The following TMEM8B variants were observed in gnomAD, a reference collection of about 807,000 sequenced individuals.
The protein encoded by TMEM8B is transmembrane protein 8B.
Under a neutral mutation model 49.3 loss-of-function variants are expected in TMEM8B, and 29 were observed. The observed-to-expected ratio is 0.59, with a 90% CI of 0.44 to 0.80. The LOEUF (loss-of-function observed/expected upper bound fraction) is 0.80. Among genes scored for constraint, TMEM8B ranks in the 30% least tolerant of loss-of-function variants. The probability of loss-of-function intolerance (pLI) is 0.00; values close to 1 mark genes in which losing one functional copy is unlikely to be tolerated. For missense variants in TMEM8B, 575 were observed against 658.5 expected (o/e 0.87, Z 1.39); for synonymous variants, 264 against 272.8 (o/e 0.97, Z 0.32).
Position 35,856,830 on chromosome 9 carries a change from G to C in TMEM8B, c.*2990G>C, listed in dbSNP as rs73444870. 1,293 of 152,378 alleles carry C rather than the reference G, an allele frequency of 8.5e-3. 18 individuals are homozygous for C. Among genetic ancestry groups the C allele is most frequent in the African/African-American group, 0.029 (1,223 of 41,564 alleles). 9.4% of individuals were successfully genotyped at this position (152,378 alleles called of 1,614,324 possible). A position where few individuals can be genotyped will look rare whatever the true frequency, so the allele number is the denominator to read the frequency against. ...CTGAGATGGTGACACCACTTTGGGT[G>C]GGGGGAAGATGAGCTCCACTTTGGA... is the stretch of plus-strand genomic sequence containing the variant. On this transcript the variant is annotated 3_prime_UTR_variant, in exon 13 of 13. Coordinates refer to ENST00000643932, the MANE Select transcript of TMEM8B (RefSeq NM_001042590.4).
Position 35,834,070 on chromosome 9 carries a change from A to ACACACC in TMEM8B, c.509-390_509-389insACACCC, listed in dbSNP as rs994665464. On this transcript the variant is annotated intron_variant, in intron 1 of 12. Coordinates refer to ENST00000643932, the MANE Select transcript of TMEM8B (RefSeq NM_001042590.4). ...CACACACACACACACACACACACAC[A>ACACACC]CCTTCCACACATCTGTTTTTTTTAG... Among the ~76,000 whole-genome samples, 122 of 147,300 alleles carry ACACACC rather than the reference A, an allele frequency of 8.3e-4. 1 individual carries two copies. The highest frequency in any genetic ancestry group is 3.0e-3 in the African/African-American group (115 of 38,846).
At position 35,842,222 on chromosome 9, in the gene TMEM8B, A is replaced by C. The variant is rs1831079625; in HGVS notation, c.1310-170A>C. Among the ~76,000 whole-genome samples the C allele has an allele frequency of 6.6e-6, 1 of 152,184 alleles. No homozygotes were observed. On this transcript the variant is annotated intron_variant, in intron 5 of 12. Transcript: ENST00000643932. This position sits in a 1 kb window ranked among gnomAD's most constrained non-coding sequence, Gnocchi z 5.6. Reference sequence around the variant, plus strand: ...GTGTGGTATTGCATTAGCTGTCACCATTAGGAAACCCCTATAAACCTGGAT... The same window carrying C: ...GTGTGGTATTGCATTAGCTGTCACCCTTAGGAAACCCCTATAAACCTGGAT...
chr9:35,839,220 C>G (rs1033341121), intron 3 of TMEM8B, among the ~76,000 whole-genome samples: 1 of 152,274 alleles, frequency 6.6e-6, no homozygotes, highest in Non-Finnish European at 1.5e-5. Context: ...AGGAATCTAT[C>G]TACCATGCCT....
rs747291210 is a variant in TMEM8B, at chr9:35,846,386, G to C, written c.1853+5G>C. 1 of 1,609,672 alleles carries C rather than the reference G, an allele frequency of 6.2e-7. No individual in the cohort carries two copies. Among genetic ancestry groups the C allele is most frequent in the East Asian group, 2.2e-5 (1 of 44,792 alleles). Reference sequence around the variant, plus strand: ...CCTGTGCGGGGTGGGGCCTCGGTGAGCGGTGCGGGGCGGGGCCAGGGCTGG... The same window carrying C: ...CCTGTGCGGGGTGGGGCCTCGGTGACCGGTGCGGGGCGGGGCCAGGGCTGG... On this transcript the variant is annotated splice_donor_5th_base_variant and intron_variant, in intron 8 of 12. Transcript: ENST00000643932.
chr9:35,860,583 G>A lies in TMEM8B; in HGVS notation c.*6743G>A, dbSNP rs1832632677. 6.6e-6 allele frequency: 1 copy of A among 152,134 alleles called. No homozygotes were observed. The highest frequency in any genetic ancestry group is 2.4e-5 in the African/African-American group (1 of 41,438). The allele number at this position is 152,134 out of a possible 1,614,324, so 9.4% of individuals were successfully genotyped here. On this transcript the variant is annotated 3_prime_UTR_variant, in exon 13 of 13. Transcript: ENST00000643932. ...CACCTAGTGTTCCTTGGGCCATGAAGATCAAATATTTCAGCCCCATAGGAT... is the reference window on the plus strand; with the variant it reads ...CACCTAGTGTTCCTTGGGCCATGAAAATCAAATATTTCAGCCCCATAGGAT...
At chr9:35,852,259 A>C (rs1049568882) in intron 10 of TMEM8B, among the ~76,000 whole-genome samples, 1 of 152,142 alleles carries the variant, frequency 6.6e-6, no homozygotes, top group Non-Finnish European at 1.5e-5. Flanking sequence ...CATGGTGTGA[A>C]GTGCCATGCC....
At chr9:35,847,606 A>G (rs1021951148) in intron 10 of TMEM8B, among the ~76,000 whole-genome samples, 1 of 152,202 alleles carries the variant, frequency 6.6e-6, no homozygotes, top group East Asian at 1.9e-4. Context: ...TTATAGGACA[A>G]TCTGACTCTC....
Position 35,842,484 on chromosome 9 carries a change from C to T in TMEM8B, c.1402C>T (p.Pro468Ser), listed in dbSNP as rs145090431. The T allele has an allele frequency of 4.4e-6, 7 of 1,601,568 alleles. No homozygotes were observed. The African/African-American group carries it at 6.7e-5, about 15-fold the overall frequency. Residue 468 changes from proline to serine, a missense_variant, in exon 6 of 13, where the codon CCG (proline) becomes TCG (serine). Physicochemically the swap from Pro to Ser is moderately conservative, Grantham distance 74. Coordinates refer to ENST00000643932, the MANE Select transcript of TMEM8B (RefSeq NM_001042590.4). This position sits in a 1 kb window ranked among gnomAD's most constrained non-coding sequence, Gnocchi z 5.6. ...SLGNQPLPPE[P>S]PSLGTPAEGP... ...GGGCAACCAGCCACTGCCCCCAGAA[C>T]CGCCATCCCTTGGAACCCCTGCGGA...
At chr9:35,830,184 T>TC (rs1306362705) in intron 1 of TMEM8B, among the ~76,000 whole-genome samples, 4 of 152,146 alleles carry the variant, frequency 2.6e-5, no homozygotes, top group African/African-American at 9.7e-5. Context: ...GCACAGAGAC[T>TC]CCAAGATTTT....
At chr9:35,845,306 T>A (rs1248547034) in intron 6 of TMEM8B, 1 of 782,798 alleles carries the variant, frequency 1.3e-6, no homozygotes, top group Non-Finnish European at 1.5e-6. Flanking sequence ...TTTCCTGTCC[T>A]GATTTTTAAG....
chr9:35,832,148 C>T (rs1404506187), intron 1 of TMEM8B, among the ~76,000 whole-genome samples: 1 of 148,824 alleles, frequency 6.7e-6, no homozygotes, highest in African/African-American at 2.5e-5. Context: ...CCAGCCTCAG[C>T]CTATGTGTGT....
chr9:35,842,460 GGCAACCAGCCACT>G lies in TMEM8B; in HGVS notation c.1381_1393del (p.Asn461ProfsTer61), dbSNP rs773385353. Reference sequence around the variant, plus strand: ...TGCCATGAACATGCCCCAGTCCCTGGGCAACCAGCCACTGCCCCCAGAACCGCCATCCCTTGGA... The same window carrying G: ...TGCCATGAACATGCCCCAGTCCCTGGGCCCCCAGAACCGCCATCCCTTGGA... On this transcript the variant is annotated frameshift_variant, in exon 6 of 13. Coordinates refer to ENST00000643932, the MANE Select transcript of TMEM8B (RefSeq NM_001042590.4). LOFTEE classifies it high-confidence loss of function. The surrounding 1 kb of genome is among the most constrained non-coding windows in gnomAD (Gnocchi z 5.6). The G allele has an allele frequency of 1.9e-6, 3 of 1,585,050 alleles. No homozygotes were observed. Among genetic ancestry groups the G allele is most frequent in the Non-Finnish European group, 2.6e-6 (3 of 1,162,622 alleles).
rs762693337 is a variant in TMEM8B, at chr9:35,853,721, G to A, written c.2656G>A (p.Gly886Arg). 8 of 1,614,038 alleles carry A rather than the reference G, an allele frequency of 5.0e-6. No homozygotes were observed. Among genetic ancestry groups the A allele is most frequent in the African/African-American group, 1.3e-5 (1 of 75,044 alleles). The change falls in exon 13 of 13, where the codon GGG becomes AGG. Residue 886 changes from glycine (G) to arginine (R), a missense_variant. Gly to Arg is a moderately radical substitution (Grantham distance 125). Coordinates refer to ENST00000643932, the MANE Select transcript of TMEM8B (RefSeq NM_001042590.4). This position sits in a 1 kb window ranked among gnomAD's most constrained non-coding sequence, Gnocchi z 4.2. ...LLPPRAKTDH[G>R]VPSGARARGC... Reference sequence around the variant, plus strand: ...GCCCCCTCGTGCCAAGACTGACCACGGGGTCCCATCTGGAGCCCGGGCCCG... The same window carrying A: ...GCCCCCTCGTGCCAAGACTGACCACAGGGTCCCATCTGGAGCCCGGGCCCG...
rs771439865 is a variant in TMEM8B at position 35,846,481 on chromosome 9, C to T, written c.1866C>T (p.Cys622=). The part of the protein sequence containing the change: ...LCGVGPRFVR[C]RNATAEVRMR... Reference sequence around the variant, plus strand: ...AGTTTGTGCGCAGGTTCGTGCGGTGCCGCAACGCGACGGCCGAGGTGCGGA... The same window carrying T: ...AGTTTGTGCGCAGGTTCGTGCGGTGTCGCAACGCGACGGCCGAGGTGCGGA... Residue 622 remains cysteine (C), a synonymous_variant, in exon 9 of 13, where the codon TGC becomes TGT. Coordinates refer to ENST00000643932, the MANE Select transcript of TMEM8B (RefSeq NM_001042590.4). 1 of 1,599,334 alleles carries T rather than the reference C, an allele frequency of 6.3e-7. No homozygotes were observed. The highest frequency in any genetic ancestry group is 8.5e-7 in the Non-Finnish European group (1 of 1,172,970).
intron 1 of TMEM8B, chr9:35,833,407 C>T (rs1452919451): frequency 1.0e-5 from 10 of 980,254 alleles, no homozygotes; most frequent in Non-Finnish European, 1.2e-5. Flanking sequence ...TAGAGGTTTA[C>T]TTTGAGAGAC....
chr9:35,865,122 GGA>G lies in TMEM8B; in HGVS notation c.*11290_*11291del. ...GCCCTGCTGAGGTGAAGTGGGCATA[GGA>G]GAGAGAGTGGACAGAGAATCTGAAT... On this transcript the variant is annotated 3_prime_UTR_variant, in exon 13 of 13. Transcript: ENST00000643932. 1 of 152,386 alleles carries G rather than the reference GGA, an allele frequency of 6.6e-6. No individual in the cohort carries two copies. Among genetic ancestry groups the G allele is most frequent in the Non-Finnish European group, 1.5e-5 (1 of 68,074 alleles). The allele number at this position is 152,386 out of a possible 1,614,324, so 9.4% of individuals were successfully genotyped here. A position where few individuals can be genotyped will look rare whatever the true frequency, so the allele number is the denominator to read the frequency against.
Position 35,860,013 on chromosome 9 carries a change from C to T in TMEM8B, c.*6173C>T, listed in dbSNP as rs1245806409. 1 of 152,314 alleles carries T rather than the reference C, an allele frequency of 6.6e-6. No individual in the cohort carries two copies. Among genetic ancestry groups the T allele is most frequent in the East Asian group, 1.9e-4 (1 of 5,198 alleles). The allele number at this position is 152,314 out of a possible 1,614,324, so 9.4% of individuals were successfully genotyped here. A position where few individuals can be genotyped will look rare whatever the true frequency, so the allele number is the denominator to read the frequency against. ...TCTCTCCTTTTCCATCTGGACCACC[C>T]AGCTTTTTGGAAAAAGCTCCAACTG... is the stretch of plus-strand genomic sequence containing the variant. On this transcript the variant is annotated 3_prime_UTR_variant, in exon 13 of 13. Coordinates refer to ENST00000643932, the MANE Select transcript of TMEM8B (RefSeq NM_001042590.4).
chr9:35,860,602 A>T lies in TMEM8B; in HGVS notation c.*6762A>T, dbSNP rs905291546. ...CATGAAGATCAAATATTTCAGCCCC[A>T]TAGGATGTGTAAGCTTGATTTCTGG... On this transcript the variant is annotated 3_prime_UTR_variant, in exon 13 of 13. Coordinates refer to ENST00000643932, the MANE Select transcript of TMEM8B (RefSeq NM_001042590.4). 1 of 152,158 alleles carries T rather than the reference A, an allele frequency of 6.6e-6. No homozygotes were observed. The highest frequency in any genetic ancestry group is 1.5e-5 in the Non-Finnish European group (1 of 68,034). 9.4% of individuals were successfully genotyped at this position (152,158 alleles called of 1,614,324 possible).
Position 35,853,283 on chromosome 9 carries a change from G to T in TMEM8B, c.2439+26G>T, listed in dbSNP as rs747295027. On this transcript the variant is annotated intron_variant, in intron 12 of 12. Coordinates refer to ENST00000643932, the MANE Select transcript of TMEM8B (RefSeq NM_001042590.4). This position sits in a 1 kb window ranked among gnomAD's most constrained non-coding sequence, Gnocchi z 4.2. ...GTAAGGGTGGGGAGGGATGTGGGGG[G>T]AGGGTCCCAGCAGGACTTGGGTGCT... is the stretch of plus-strand genomic sequence containing the variant. 1 of 1,588,530 alleles carries T rather than the reference G, an allele frequency of 6.3e-7. No individual in the cohort carries two copies. The highest frequency in any genetic ancestry group is 8.6e-7 in the Non-Finnish European group (1 of 1,157,492).
Sources: allele counts gnomAD v4.1 joint callset (sites outside exome capture counted in the v4.1 genomes callset), GRCh38; gene constraint gnomAD v4.1.1; non-coding constraint Gnocchi (gnomAD v3.1); transcripts MANE v1.5; gene names NCBI Gene and HGNC (gene_info 2026-07-23, HGNC 2026-07-21).